The following FOXP1 variants were observed in gnomAD, a reference collection of about 807,000 sequenced individuals.
FOXP1 encodes the protein forkhead box P1.
FOXP1 carries 15 observed loss-of-function variants against 98.2 expected under a neutral mutation model. The ratio of observed to expected loss-of-function variants is 0.15; its 90% CI spans 0.10 to 0.24. The LOEUF (loss-of-function observed/expected upper bound fraction) is 0.24, where lower values mean the gene tolerates loss of function less well. Ranked by LOEUF, FOXP1 falls within the 10% of genes least tolerant of loss-of-function variation. FOXP1 has a pLI of 1.00. For synonymous variants in FOXP1, 371 were observed against 314.5 expected, an observed-to-expected ratio of 1.18 and a Z score of -1.90; for missense variants, 633 against 848.5, an observed-to-expected ratio of 0.75 and a Z score of 3.15.
At chr3:71,211,546 T>C (rs1457851423) in intron 5 of FOXP1, among the ~76,000 whole-genome samples, 1 of 152,172 alleles carries the variant, frequency 6.6e-6, no homozygotes, top group Non-Finnish European at 1.5e-5. Context: ...TTACTTATTT[T>C]ATTCCCCATG....
chr3:71,380,795 CCAAA>C (rs965795586), intron 3 of FOXP1, among the ~76,000 whole-genome samples: 4 of 143,538 alleles, frequency 2.8e-5, no homozygotes, highest in African/African-American at 1.0e-4. Context: ...GGCCTTTCAA[CCAAA>C]CAATTTTCCC....
chr3:71,082,376 A>T (rs1359106982), intron 7 of FOXP1, among the ~76,000 whole-genome samples: 11 of 151,918 alleles, frequency 7.2e-5, no homozygotes, highest in Admixed American at 7.2e-4. Context: ...CACATAAATT[A>T]TAAGTTTGTA....
At chr3:71,273,016 G>T (rs2070531343) in intron 5 of FOXP1, among the ~76,000 whole-genome samples, 1 of 152,122 alleles carries the variant, frequency 6.6e-6, no homozygotes, top group African/African-American at 2.4e-5. Flanking sequence ...CATGAATTAG[G>T]ACTAAGGGGA....
chr3:71,369,146 T>G (rs2079116301), intron 3 of FOXP1, among the ~76,000 whole-genome samples: 1 of 152,060 alleles, frequency 6.6e-6, no homozygotes, highest in Admixed American at 6.5e-5. Context: ...TCCCAGCATT[T>G]TGGGAGGCTG....
intron 5 of FOXP1, among the ~76,000 whole-genome samples, chr3:71,223,418 G>A (rs1020794591): frequency 3.9e-5 from 6 of 152,128 alleles, no homozygotes; most frequent in Middle Eastern, 3.4e-3. Flanking sequence ...CATTCTAGCC[G>A]GGTGCGGTGG....
Position 71,085,802 on chromosome 3 carries a change from T to C in FOXP1, c.282+26734A>G, listed in dbSNP as rs1355037356. ...TGGAGTGCAGTGGTGTGATCTTGGC[T>C]CACTGCAACCTCCGCCTCCTGGGTT... is the stretch of plus-strand genomic sequence containing the variant. On this transcript the variant is annotated intron_variant, in intron 7 of 20. Coordinates refer to ENST00000649528, the MANE Select transcript of FOXP1 (RefSeq NM_001349338.3). Among the ~76,000 whole-genome samples, 4 of 144,360 alleles carry C rather than the reference T, an allele frequency of 2.8e-5. No homozygotes were observed. The East Asian group carries it at 8.4e-4, about 30-fold the overall frequency. The allele number at this position is 144,360 out of a possible 152,430, so 94.7% of individuals were successfully genotyped here.
intron 5 of FOXP1, among the ~76,000 whole-genome samples, chr3:71,298,074 A>G (rs1272534258): frequency 6.6e-6 from 1 of 152,214 alleles, no homozygotes; most frequent in Admixed American, 6.5e-5. Context: ...GCTGCAACAG[A>G]GGCTGAATGC....
intron 13 of FOXP1, among the ~76,000 whole-genome samples, chr3:70,988,343 C>G (rs143710523): frequency 1.7e-4 from 26 of 152,322 alleles, no homozygotes; most frequent in Admixed American, 6.5e-4. Context: ...GGAACACAGA[C>G]AGCTAAAAGA....
intron 5 of FOXP1, among the ~76,000 whole-genome samples, chr3:71,268,717 A>G (rs2070007114): frequency 6.6e-6 from 1 of 152,172 alleles, no homozygotes; most frequent in African/African-American, 2.4e-5. Flanking sequence ...GGCTGGGAAG[A>G]TGCAAGCAGG....
chr3:71,079,293 C>T (rs1005857614), intron 7 of FOXP1, among the ~76,000 whole-genome samples: 1 of 152,160 alleles, frequency 6.6e-6, no homozygotes, highest in Non-Finnish European at 1.5e-5. Context: ...ACTGGTGTTA[C>T]AATCATTCCT....
intron 3 of FOXP1, among the ~76,000 whole-genome samples, chr3:71,440,266 A>G (rs2085799256): frequency 6.6e-6 from 1 of 152,120 alleles, no homozygotes; most frequent in African/African-American, 2.4e-5. Flanking sequence ...TTTTACCACA[A>G]TTAAAAATAA....
intron 5 of FOXP1, among the ~76,000 whole-genome samples, chr3:71,237,762 C>T (rs2066923094): frequency 6.6e-6 from 1 of 152,158 alleles, no homozygotes; most frequent in African/African-American, 2.4e-5. Flanking sequence ...CATATGGACC[C>T]ACATATCTAT....
intron 3 of FOXP1, among the ~76,000 whole-genome samples, chr3:71,466,895 T>C (rs1214429084): frequency 6.6e-6 from 1 of 152,252 alleles, no homozygotes; most frequent in African/African-American, 2.4e-5. Flanking sequence ...TCTCAAGTGA[T>C]ACTTATCCTT....
At chr3:71,127,031 A>G (rs1056789481) in intron 6 of FOXP1, among the ~76,000 whole-genome samples, 2 of 152,240 alleles carry the variant, frequency 1.3e-5, no homozygotes, top group South Asian at 4.1e-4. Flanking sequence ...TCTAATTTCT[A>G]TATTCAGGTT....
intron 7 of FOXP1, among the ~76,000 whole-genome samples, chr3:71,088,963 T>A (rs1337394238): frequency 6.6e-6 from 1 of 152,194 alleles, no homozygotes; most frequent in Non-Finnish European, 1.5e-5. Flanking sequence ...AGTACACCAG[T>A]GCTCAGGTCA....
At chr3:71,080,964 G>A (rs2054344137) in intron 7 of FOXP1, among the ~76,000 whole-genome samples, 1 of 152,184 alleles carries the variant, frequency 6.6e-6, no homozygotes, top group African/African-American at 2.4e-5. Flanking sequence ...CTCTCACTGG[G>A]TGATCTTCAC....
chr3:70,955,245 G>GTGAT lies in FOXP1; in HGVS notation c.*3998_*4001dup. On this transcript the variant is annotated 3_prime_UTR_variant, in exon 21 of 21. Transcript: ENST00000649528. The stretch of plus-strand genomic sequence containing the variant: ...TTTTTTCATGAGGAAAAAAAAGCTA[G>GTGAT]TGATTTACAGCCTATCTTGGGTTAA... 4.3e-6 allele frequency: 1 copy of GTGAT among 232,884 alleles called. No individual in the cohort carries two copies. 14.4% of individuals were successfully genotyped at this position (232,884 alleles called of 1,614,324 possible). A position where few individuals can be genotyped will look rare whatever the true frequency, so the allele number is the denominator to read the frequency against.
chr3:71,504,442 A>T (rs2041656219), intron 2 of FOXP1, among the ~76,000 whole-genome samples: 1 of 152,222 alleles, frequency 6.6e-6, no homozygotes, highest in Non-Finnish European at 1.5e-5. Flanking sequence ...ACTGCCTCAA[A>T]GTAATTTTTC....
At chr3:71,526,967 CAAAA>C (rs34141810) in intron 2 of FOXP1, among the ~76,000 whole-genome samples, 3 of 62,310 alleles carry the variant, frequency 4.8e-5, no homozygotes, top group African/African-American at 6.0e-5. Context: ...AACTCCAACT[CAAAA>C]AAAAAAAAAA....
Sources: allele counts gnomAD v4.1 joint callset (sites outside exome capture counted in the v4.1 genomes callset), GRCh38; gene constraint gnomAD v4.1.1; transcripts MANE v1.5; gene names NCBI Gene and HGNC (gene_info 2026-07-23, HGNC 2026-07-21).